Variants in PTPRS observed in about 807,000 individuals in gnomAD.
The protein encoded by PTPRS is protein tyrosine phosphatase receptor type S, also known as receptor-type tyrosine-protein phosphatase S.
In PTPRS, 63 loss-of-function variants were observed where a neutral mutation model predicts 215.3. The ratio of observed to expected loss-of-function variants is 0.29; its 90% CI spans 0.24 to 0.36. PTPRS has a LOEUF of 0.36. PTPRS is among the 10% of genes least tolerant of loss of function. The pLI, the probability that PTPRS is intolerant of heterozygous loss-of-function variation, is 1.00. For synonymous variants in PTPRS, 1,404 were observed against 1,191.4 expected, an observed-to-expected ratio of 1.18 and a Z score of -3.68; for missense variants, 2,258 against 2,825.8, an observed-to-expected ratio of 0.80 and a Z score of 4.56.
rs2047152477 is a variant in PTPRS, at chr19:5,274,082, G to T, written c.237+117C>A. On this transcript the variant is annotated intron_variant, in intron 3 of 37. Coordinates refer to ENST00000262963, the MANE Select transcript of PTPRS (RefSeq NM_002850.4). ...GAGGCTGCGCAGCCATGCTTGCTTG[G>T]CCACAGATGATGCTCCACCTGGGGA... The T allele has an allele frequency of 4.3e-6, 6 of 1,403,588 alleles. No homozygotes were observed. The Middle Eastern group carries it at 1.0e-3, about 243-fold the overall frequency. 86.9% of individuals were successfully genotyped at this position (1,403,588 alleles called of 1,614,324 possible).
At position 5,210,332 on chromosome 19, in the gene PTPRS, A is replaced by G; in HGVS notation, c.5487+137T>C. On this transcript the variant is annotated intron_variant, in intron 35 of 37. Coordinates refer to ENST00000262963, the MANE Select transcript of PTPRS (RefSeq NM_002850.4). This position sits in a 1 kb window ranked among gnomAD's most constrained non-coding sequence, Gnocchi z 4.5. ...TATGTGGCAGTAGAAGCAAGTGGCCAACTGGTCAGCTGACACTTCTCCTGA... is the reference window on the plus strand; with the variant it reads ...TATGTGGCAGTAGAAGCAAGTGGCCGACTGGTCAGCTGACACTTCTCCTGA... The G allele has an allele frequency of 5.3e-6, 7 of 1,310,918 alleles. No homozygotes were observed. Among genetic ancestry groups the G allele is most frequent in the Non-Finnish European group, 7.4e-6 (7 of 939,758 alleles). The allele number at this position is 1,310,918 out of a possible 1,614,324, so 81.2% of individuals were successfully genotyped here.
intron 11 of PTPRS, among the ~76,000 whole-genome samples, chr19:5,243,123 CTCTT>C (rs759477058): frequency 6.0e-5 from 9 of 150,770 alleles, no homozygotes; most frequent in East Asian, 1.9e-4. Context: ...CTGGCTAGCT[CTCTT>C]TTTTTTTTTT....
intron 1 of PTPRS, among the ~76,000 whole-genome samples, chr19:5,335,173 T>C (rs2050453876): frequency 6.6e-6 from 1 of 152,136 alleles, no homozygotes; most frequent in Non-Finnish European, 1.5e-5. Context: ...TCCAGAGCCA[T>C]GGCTTCTCCG....
chr19:5,258,172 A>G (rs763514177), intron 7 of PTPRS, 45 bp from the exon 8 acceptor site: 6 of 1,498,270 alleles, frequency 4.0e-6, no homozygotes, highest in South Asian at 1.1e-5. Flanking sequence ...AGGGGGGCCC[A>G]GGAGTGAACA....
intron 17 of PTPRS, 79 bp from the exon 18 acceptor site, chr19:5,223,376 A>C: frequency 1.5e-6 from 2 of 1,360,664 alleles, no homozygotes; most frequent in Non-Finnish European, 9.4e-7. Context: ...TGTATTTTTA[A>C]TTCTTTTCCT....
rs2042411612 is a variant in PTPRS, at chr19:5,225,585, C to G, written c.2494+142G>C. 2.0e-5 allele frequency: 15 copies of G among 739,042 alleles called. No individual in the cohort carries two copies. The South Asian group carries it at 2.5e-4, about 12-fold the overall frequency. The allele number at this position is 739,042 out of a possible 1,614,324, so 45.8% of individuals were successfully genotyped here. ...GGGCCCTGGACACCCACCTGAGCAG[C>G]CCTCACACCTTTGTCTCACTGTTCC... On this transcript the variant is annotated intron_variant, in intron 17 of 37. Transcript: ENST00000262963.
intron 20 of PTPRS, among the ~76,000 whole-genome samples, 189 bp downstream of exon 20, chr19:5,220,811 A>G (rs2041915196): frequency 6.6e-6 from 1 of 152,194 alleles, no homozygotes; most frequent in Non-Finnish European, 1.5e-5. Flanking sequence ...AAGAGCAGAC[A>G]CAGGACACAT....
In PTPRS at chr19:5,215,541, C is replaced by T. The variant is rs114166264; in HGVS notation, c.4151G>A (p.Arg1384Gln). The change falls in exon 27 of 38, where the codon CGG becomes CAG. Residue 1384 changes from arginine (R) to glutamine (Q), a missense_variant. Physicochemically the swap from Arg to Gln is conservative, Grantham distance 43. Around this residue, in one of 6 missense-constraint regions of PTPRS, gnomAD observed 927 missense variants for 1,125.9 expected, o/e 0.82. Coordinates refer to ENST00000262963, the MANE Select transcript of PTPRS (RefSeq NM_002850.4). ...CTTGAGGCTGTCGTTGGCCTTGAGC[C>T]GCTCCGTGTGCTCCGCCATGTCTGC... ...PIADMAEHTERLKANDSLKLS... is the reference protein window; with the variant it reads ...PIADMAEHTEQLKANDSLKLS... The T allele has an allele frequency of 1.1e-3, 1,739 of 1,612,084 alleles. 1 individual carries two copies. The highest frequency in any genetic ancestry group is 1.2e-3 in the Non-Finnish European group (1,409 of 1,178,756).
At position 5,266,338 on chromosome 19, in the gene PTPRS, C is replaced by T. The variant is rs1164430172; in HGVS notation, c.380-1142G>A. Among the ~76,000 whole-genome samples, 7 of 152,184 alleles carry T rather than the reference C, an allele frequency of 4.6e-5. No individual in the cohort carries two copies. The South Asian group carries it at 8.3e-4, about 18-fold the overall frequency. On this transcript the variant is annotated intron_variant, in intron 4 of 37. Coordinates refer to ENST00000262963, the MANE Select transcript of PTPRS (RefSeq NM_002850.4). ...CTCACCATGTTGCCCAGATTGGTCT[C>T]GACCTCCTGGGCTCAAGGAATCCTC...
At chr19:5,233,798 T>C (rs1203055656) in intron 13 of PTPRS, among the ~76,000 whole-genome samples, 2 of 151,114 alleles carry the variant, frequency 1.3e-5, no homozygotes, top group Non-Finnish European at 2.9e-5. Context: ...TACAAAAAAC[T>C]AGCCGGGCAT....
Position 5,225,862 on chromosome 19 carries a change from G to T in PTPRS, c.2377-18C>A. 6.2e-7 allele frequency: 1 copy of T among 1,605,398 alleles called. No homozygotes were observed. The highest frequency in any genetic ancestry group is 2.2e-5 in the East Asian group (1 of 44,824). On this transcript the variant is annotated intron_variant, in intron 16 of 37. Coordinates refer to ENST00000262963, the MANE Select transcript of PTPRS (RefSeq NM_002850.4). ...ACCATCTCCTGCAGGCACGGCTGGGGGTCAGCACGACGGCTGGGGCTGGGA... is the reference window on the plus strand; with the variant it reads ...ACCATCTCCTGCAGGCACGGCTGGGTGTCAGCACGACGGCTGGGGCTGGGA...
chr19:5,261,207 T>G (rs906918044), intron 6 of PTPRS, among the ~76,000 whole-genome samples: 2 of 152,048 alleles, frequency 1.3e-5, no homozygotes, highest in East Asian at 3.9e-4. Flanking sequence ...TCACCCCCCC[T>G]TCCTTCTTTC....
chr19:5,258,254 G>C, intron 7 of PTPRS, 127 bp from the exon 8 acceptor site: 1 of 762,902 alleles, frequency 1.3e-6, no homozygotes, highest in Non-Finnish European at 2.2e-6. Flanking sequence ...GCAGATAAGA[G>C]GTGAGAAAAC....
In PTPRS at chr19:5,212,096, G is replaced by A. The variant is rs781016820; in HGVS notation, c.4924C>T (p.His1642Tyr). ...VQTEDQYSFI[H>Y]EALLEAVGCG... ...CCCACGGCCTCCAGCAGGGCCTCGT[G>A]GATGAAGCTGTACTGGTCCTCCGTC... Residue 1642 changes from histidine (H) to tyrosine (Y), a missense_variant, in exon 32 of 38, where the codon CAC becomes TAC. Transcript: ENST00000262963. The A allele has an allele frequency of 3.1e-6, 5 of 1,614,104 alleles. No individual in the cohort carries two copies. Among genetic ancestry groups the A allele is most frequent in the South Asian group, 2.2e-5 (2 of 91,090 alleles).
rs2145252191 is a variant in PTPRS, at chr19:5,218,406, G to A, written c.4048+14C>T. ...CTGTTGGTGGCATCCCTGGTACCAGGGATAAGTACATACCTGGAGTCTGGA... is the reference window on the plus strand; with the variant it reads ...CTGTTGGTGGCATCCCTGGTACCAGAGATAAGTACATACCTGGAGTCTGGA... On this transcript the variant is annotated intron_variant, in intron 25 of 37. Coordinates refer to ENST00000262963, the MANE Select transcript of PTPRS (RefSeq NM_002850.4). The A allele has an allele frequency of 8.1e-6, 13 of 1,608,140 alleles. No individual in the cohort carries two copies. The highest frequency in any genetic ancestry group is 1.1e-5 in the Non-Finnish European group (13 of 1,176,138).
intron 1 of PTPRS, among the ~76,000 whole-genome samples, chr19:5,322,221 G>A (rs1234076955): frequency 6.6e-6 from 1 of 152,218 alleles, no homozygotes; most frequent in East Asian, 1.9e-4. Context: ...CCTCGCGGCC[G>A]TGCCTTGCTG....
chr19:5,284,768 G>A (rs564440395), intron 2 of PTPRS, among the ~76,000 whole-genome samples: 1 of 152,116 alleles, frequency 6.6e-6, no homozygotes, highest in Non-Finnish European at 1.5e-5. Flanking sequence ...GCAACACAGT[G>A]AAACCCCATC....
At chr19:5,225,110 G>T (rs1368790921) in intron 17 of PTPRS, among the ~76,000 whole-genome samples, 3 of 152,010 alleles carry the variant, frequency 2.0e-5, no homozygotes, top group South Asian at 2.1e-4. Context: ...CTCCATTTTG[G>T]CTGGAAAAAA....
intron 3 of PTPRS, among the ~76,000 whole-genome samples, 159 bp downstream of exon 3, chr19:5,274,040 G>A (rs1029093555): frequency 5.3e-5 from 8 of 152,206 alleles, no homozygotes; most frequent in African/African-American, 1.7e-4. Flanking sequence ...CAAGTAAGGC[G>A]GGCAGGGCCC....
Sources: gnomAD v4.1 joint callset for allele counts (sites outside exome capture counted in the v4.1 genomes callset) on GRCh38, gnomAD v4.1.1 for gene constraint, gnomAD v4.1.1 regional missense constraint, Gnocchi (gnomAD v3.1) non-coding constraint, MANE v1.5 for transcripts, NCBI Gene and HGNC (gene_info 2026-07-23, HGNC 2026-07-21) for gene names.